The following CDH18 variants were observed in gnomAD, a reference collection of about 807,000 sequenced individuals.
CDH18 encodes cadherin-18.
CDH18 carries 31 observed loss-of-function variants against 67.9 expected under a neutral mutation model. The observed-to-expected ratio is 0.46, with a 90% CI of 0.34 to 0.62. The LOEUF (loss-of-function observed/expected upper bound fraction) is 0.62. Ranked by LOEUF, CDH18 falls within the 20% of genes least tolerant of loss-of-function variation. The pLI, the probability that CDH18 is intolerant of heterozygous loss-of-function variation, is 0.01. For missense variants in CDH18, 890 were observed against 975.5 expected, an observed-to-expected ratio of 0.91 and a Z score of 1.17; for synonymous variants, 362 against 347.2, an observed-to-expected ratio of 1.04 and a Z score of -0.48.
chr5:20,404,194 G>A (rs115694306), intron 1 of CDH18, among the ~76,000 whole-genome samples: 2,698 of 152,266 alleles, frequency 0.018, 40 homozygotes, highest in Non-Finnish European at 0.023. Context: ...AAATGTTGTG[G>A]CTTGTTTGAT....
intron 3 of CDH18, among the ~76,000 whole-genome samples, chr5:19,806,690 T>C (rs901030543): frequency 6.6e-6 from 1 of 152,338 alleles, no homozygotes; most frequent in South Asian, 2.1e-4. Flanking sequence ...TCAATCATTA[T>C]GTTAAAGTAA....
chr5:19,785,646 C>A (rs1254518124), intron 3 of CDH18, among the ~76,000 whole-genome samples: 3 of 38,098 alleles, frequency 7.9e-5, no homozygotes, highest in East Asian at 1.8e-3. Flanking sequence ...AAGAGCAAAA[C>A]TCTGTCTCAA....
At chr5:20,071,442 T>C (rs1237860608) in intron 2 of CDH18, among the ~76,000 whole-genome samples, 2 of 152,096 alleles carry the variant, frequency 1.3e-5, no homozygotes, top group African/African-American at 2.4e-5. Flanking sequence ...CTAGTCTTCA[T>C]GTCATTTAGT....
chr5:19,619,789 T>A (rs937952831), intron 5 of CDH18, among the ~76,000 whole-genome samples: 9 of 152,214 alleles, frequency 5.9e-5, no homozygotes, highest in African/African-American at 2.2e-4. Context: ...AGGGTATGGT[T>A]GTCTCTATCT....
chr5:19,818,375 A>G (rs1581488370), intron 3 of CDH18, among the ~76,000 whole-genome samples: 1 of 152,130 alleles, frequency 6.6e-6, no homozygotes, highest in East Asian at 1.9e-4. Context: ...CTTAAGTAAA[A>G]TTATACTCTT....
intron 2 of CDH18, among the ~76,000 whole-genome samples, chr5:20,103,400 T>C (rs1746638876): frequency 2.0e-5 from 3 of 152,060 alleles, no homozygotes; most frequent in African/African-American, 7.2e-5. Flanking sequence ...AAGTAGGAAG[T>C]AGAAGAATGA....
chr5:19,622,848 C>G (rs180901661), intron 5 of CDH18, among the ~76,000 whole-genome samples: 6 of 152,222 alleles, frequency 3.9e-5, no homozygotes, highest in Non-Finnish European at 8.8e-5. Flanking sequence ...ACCCAGTATT[C>G]CAAACCAACG....
chr5:20,061,896 C>T (rs1742521672), intron 2 of CDH18, among the ~76,000 whole-genome samples: 1 of 152,040 alleles, frequency 6.6e-6, no homozygotes, highest in African/African-American at 2.4e-5. Context: ...CCTGACTTAG[C>T]CCTTGAAGTG....
intron 1 of CDH18, among the ~76,000 whole-genome samples, chr5:20,284,603 G>T (rs1402909457): frequency 6.6e-6 from 1 of 151,850 alleles, no homozygotes; most frequent in East Asian, 1.9e-4. Context: ...ATAAACTTCT[G>T]CAGAAAAAAC....
At chr5:19,845,069 T>C (rs1211419599) in intron 2 of CDH18, among the ~76,000 whole-genome samples, 1 of 152,192 alleles carries the variant, frequency 6.6e-6, no homozygotes, top group Non-Finnish European at 1.5e-5. Context: ...AAGATGTTAA[T>C]GAATATTGTC....
chr5:19,570,718 C>CA (rs201142308), intron 8 of CDH18, among the ~76,000 whole-genome samples: 11,237 of 152,010 alleles, frequency 0.074, 454 homozygotes, highest in African/African-American at 0.089. Context: ...ATGAGGGACA[C>CA]AAAAAAACTC....
At chr5:19,941,853 G>A (rs1794859035) in intron 2 of CDH18, among the ~76,000 whole-genome samples, 1 of 151,996 alleles carries the variant, frequency 6.6e-6, no homozygotes, top group African/African-American at 2.4e-5. Context: ...TATAAAAAAT[G>A]TGATTCATTG....
chr5:20,300,292 TTGTGTGTGTGCGTGTG>T lies in CDH18; in HGVS notation c.-579-44803_-579-44788del, dbSNP rs1747862509. On this transcript the variant is annotated intron_variant, in intron 1 of 14. Coordinates refer to the CDH18 transcript ENST00000507958. Reference sequence around the variant, plus strand: ...GCCAAACATTTCCACATAGATTAAGTTGTGTGTGTGCGTGTGTGTGTGTGTGTGTGTGTGTGTGTGT... The same window carrying T: ...GCCAAACATTTCCACATAGATTAAGTTGTGTGTGTGTGTGTGTGTGTGTGT... 2.8e-5 allele frequency among the ~76,000 whole-genome samples: 3 copies of T among 106,742 alleles called. No individual in the cohort carries two copies. In the Admixed American group the frequency reaches 3.6e-4, roughly 13 times the overall value. The allele number at this position is 106,742 out of a possible 152,430, so 70.0% of individuals were successfully genotyped here.
At chr5:20,280,863 G>T (rs1370197328) in intron 1 of CDH18, among the ~76,000 whole-genome samples, 1 of 152,148 alleles carries the variant, frequency 6.6e-6, no homozygotes, top group African/African-American at 2.4e-5. Flanking sequence ...ATCCTCTCCA[G>T]CACCTGTTGT....
intron 2 of CDH18, among the ~76,000 whole-genome samples, chr5:19,895,727 G>A (rs1328154418): frequency 6.6e-6 from 1 of 152,064 alleles, no homozygotes; most frequent in Non-Finnish European, 1.5e-5. Flanking sequence ...AATCTCCAGA[G>A]AATTATGCTA....
intron 2 of CDH18, among the ~76,000 whole-genome samples, chr5:20,206,189 T>C (rs1739871630): frequency 6.6e-6 from 1 of 151,772 alleles, no homozygotes; most frequent in Admixed American, 6.6e-5. Flanking sequence ...CAAAAATCAT[T>C]AGACACTATT....
chr5:20,571,315 T>C (rs142270154), intron 1 of CDH18, among the ~76,000 whole-genome samples: 125 of 152,284 alleles, frequency 8.2e-4, no homozygotes, highest in African/African-American at 2.9e-3. Context: ...TTTGTCTTAT[T>C]TTCAATTTTA....
chr5:20,110,117 A>T (rs1747330873), intron 2 of CDH18, among the ~76,000 whole-genome samples: 2 of 152,178 alleles, frequency 1.3e-5, no homozygotes, highest in South Asian at 4.1e-4. Context: ...TCATAAAGAA[A>T]ACAATGCATT....
chr5:20,302,580 G>A (rs1736047866), intron 1 of CDH18, among the ~76,000 whole-genome samples: 1 of 152,050 alleles, frequency 6.6e-6, no homozygotes, highest in South Asian at 2.1e-4. Context: ...GACAACATTG[G>A]CCCAATCACA....
Sources: gnomAD v4.1 joint callset for allele counts (sites outside exome capture counted in the v4.1 genomes callset) on GRCh38, gnomAD v4.1.1 for gene constraint, MANE v1.5 for transcripts, NCBI Gene and HGNC (gene_info 2026-07-23, HGNC 2026-07-21) for gene names.